The following KCNA1 variants were observed in gnomAD, a reference collection of about 807,000 sequenced individuals.
The protein encoded by KCNA1 is potassium voltage-gated channel subfamily A member 1, also known as potassium channel, voltage gated shaker related subfamily A, member 1.
Under a neutral mutation model 28.8 loss-of-function variants are expected in KCNA1, and 19 were observed. The ratio of observed to expected loss-of-function variants is 0.66; its 90% confidence interval spans 0.46 to 0.97. The LOEUF is 0.97. Ranked by LOEUF, KCNA1 falls within the 50% of genes least tolerant of loss-of-function variation. KCNA1 has a pLI of 0.00. For missense variants in KCNA1, 419 were observed against 659.7 expected (o/e 0.64, Z 4.00); for synonymous variants, 311 against 268.8 (o/e 1.16, Z -1.53).
Position 4,911,391 on chromosome 12 carries a change from T to A in KCNA1, c.13T>A (p.Ser5Thr). 1.2e-6 allele frequency: 2 copies of A among 1,612,036 alleles called. No individual in the cohort carries two copies. The change falls in exon 2 of 2, where the codon TCT becomes ACT. Residue 5 changes from serine to threonine, a missense_variant. Coordinates refer to ENST00000382545, the MANE Select transcript of KCNA1 (RefSeq NM_000217.3). This position sits in a 1 kb window ranked among gnomAD's most constrained non-coding sequence, Gnocchi z 6.6. MTVM[S>T]GENVDEASAA... is the part of the protein sequence containing the mutation. ...CCCGGCTTCCACCATGACGGTGATG[T>A]CTGGGGAGAACGTGGACGAGGCTTC... is the stretch of plus-strand genomic sequence containing the variant.
chr12:4,911,312 C>T lies in KCNA1; in HGVS notation c.-67C>T. 6.8e-7 allele frequency: 1 copy of T among 1,473,442 alleles called. No individual in the cohort carries two copies. The highest frequency in any genetic ancestry group is 9.3e-7 in the Non-Finnish European group (1 of 1,072,334). 91.3% of individuals were successfully genotyped at this position (1,473,442 alleles called of 1,614,324 possible). A position where few individuals can be genotyped will look rare whatever the true frequency, so the allele number is the denominator to read the frequency against. ...GGGGCCGCTTGGGTCCCCCCCACCCCTGGTCCCTGGCTGCTTCCCACCCCG... is the reference window on the plus strand; with the variant it reads ...GGGGCCGCTTGGGTCCCCCCCACCCTTGGTCCCTGGCTGCTTCCCACCCCG... On this transcript the variant is annotated 5_prime_UTR_variant, in exon 2 of 2. Coordinates refer to ENST00000382545, the MANE Select transcript of KCNA1 (RefSeq NM_000217.3). This position sits in a 1 kb window ranked among gnomAD's most constrained non-coding sequence, Gnocchi z 6.6.
Position 4,911,872 on chromosome 12 carries a change from C to A in KCNA1, c.494C>A (p.Pro165His). 1 of 1,614,036 alleles carries A rather than the reference C, an allele frequency of 6.2e-7. No homozygotes were observed. Among genetic ancestry groups the A allele is most frequent in the Non-Finnish European group, 8.5e-7 (1 of 1,179,990 alleles). The change falls in exon 2 of 2, where the codon CCC becomes CAC. Residue 165 changes from proline (P) to histidine (H), a missense_variant. Physicochemically the swap from Pro to His is moderately conservative, Grantham distance 77 (BLOSUM62 -2). This residue lies in a region of KCNA1 where 217 missense variants were observed against 329.6 expected (regional missense o/e 0.66). Transcript: ENST00000382545. The surrounding 1 kb of genome is among the most constrained non-coding windows in gnomAD (Gnocchi z 6.6). ...TTCGAGTACCCCGAGAGCTCGGGGC[C>A]CGCCAGGGTCATCGCCATCGTCTCC... is the stretch of plus-strand genomic sequence containing the variant. ...LLFEYPESSG[P>H]ARVIAIVSVM...
Position 4,914,279 on chromosome 12 carries a change from G to A in KCNA1, c.*1413G>A, listed in dbSNP as rs78304820. The A allele has an allele frequency of 6.0e-6, 1 of 166,956 alleles. No homozygotes were observed. Among genetic ancestry groups the A allele is most frequent in the African/African-American group, 2.4e-5 (1 of 41,436 alleles). The allele number at this position is 166,956 out of a possible 1,614,324, so 10.3% of individuals were successfully genotyped here. A position where few individuals can be genotyped will look rare whatever the true frequency, so the allele number is the denominator to read the frequency against. Reference sequence around the variant, plus strand: ...CACCTAAGAACAAGTATTCTTTCTAGCTGAAGACAAACACAAGCAACACAA... The same window carrying A: ...CACCTAAGAACAAGTATTCTTTCTAACTGAAGACAAACACAAGCAACACAA... On this transcript the variant is annotated 3_prime_UTR_variant, in exon 2 of 2. Transcript: ENST00000382545.
Position 4,912,696 on chromosome 12 carries a change from G to A in KCNA1, c.1318G>A (p.Asp440Asn), listed in dbSNP as rs1947359701. Residue 440 changes from aspartate (D) to asparagine (N), a missense_variant, in exon 2 of 2, where the codon GAC becomes AAC. Physicochemically the swap from Asp to Asn is conservative, Grantham distance 23. Coordinates refer to ENST00000382545, the MANE Select transcript of KCNA1 (RefSeq NM_000217.3). Reference sequence around the variant, plus strand: ...TTCCCCTAACTTAGCCTCTGACAGTGACCTCAGTCGCCGCAGTTCCTCTAC... The same window carrying A: ...TTCCCCTAACTTAGCCTCTGACAGTAACCTCAGTCGCCGCAGTTCCTCTAC... ...VSSPNLASDSDLSRRSSSTMS... is the reference protein window; with the variant it reads ...VSSPNLASDSNLSRRSSSTMS... 2 of 1,612,788 alleles carry A rather than the reference G, an allele frequency of 1.2e-6. No individual in the cohort carries two copies. Among genetic ancestry groups the A allele is most frequent in the East Asian group, 4.5e-5 (2 of 44,764 alleles).
rs1406135287 is a variant in KCNA1, at chr12:4,917,478, C to T, written c.*4612C>T. On this transcript the variant is annotated 3_prime_UTR_variant, in exon 2 of 2. Coordinates refer to ENST00000382545, the MANE Select transcript of KCNA1 (RefSeq NM_000217.3). ...TCACTGTGCAAACTAATTCAGGGTACAGATATAAAGTTTAGAAGCCTTGGG... is the reference window on the plus strand; with the variant it reads ...TCACTGTGCAAACTAATTCAGGGTATAGATATAAAGTTTAGAAGCCTTGGG... 6.0e-6 allele frequency: 1 copy of T among 167,052 alleles called. No homozygotes were observed. Among genetic ancestry groups the T allele is most frequent in the African/African-American group, 2.4e-5 (1 of 41,448 alleles). 10.3% of individuals were successfully genotyped at this position (167,052 alleles called of 1,614,324 possible). A position where few individuals can be genotyped will look rare whatever the true frequency, so the allele number is the denominator to read the frequency against.
chr12:4,914,970 C>T lies in KCNA1; in HGVS notation c.*2104C>T, dbSNP rs901182494. On this transcript the variant is annotated 3_prime_UTR_variant, in exon 2 of 2. Coordinates refer to ENST00000382545, the MANE Select transcript of KCNA1 (RefSeq NM_000217.3). ...CGGTAACAGCACTTTGCAAATCTCT[C>T]TGACGGTCCAGTCTTTTCAGGCATT... is the stretch of plus-strand genomic sequence containing the variant. 7 of 167,242 alleles carry T rather than the reference C, an allele frequency of 4.2e-5. No homozygotes were observed. The highest frequency in any genetic ancestry group is 1.0e-4 in the Non-Finnish European group (7 of 68,232). The allele number at this position is 167,242 out of a possible 1,614,324, so 10.4% of individuals were successfully genotyped here. A position where few individuals can be genotyped will look rare whatever the true frequency, so the allele number is the denominator to read the frequency against.
Position 4,917,870 on chromosome 12 carries a change from G to A in KCNA1, c.*5004G>A, listed in dbSNP as rs1302102689. The A allele has an allele frequency of 6.0e-6, 1 of 167,056 alleles. No individual in the cohort carries two copies. The highest frequency in any genetic ancestry group is 2.4e-5 in the African/African-American group (1 of 41,448). 10.3% of individuals were successfully genotyped at this position (167,056 alleles called of 1,614,324 possible). A position where few individuals can be genotyped will look rare whatever the true frequency, so the allele number is the denominator to read the frequency against. Reference sequence around the variant, plus strand: ...TTTTGGGACTGTTTATGCAGCAGATGTAAGTAGACAACATGGACTCCATGT... The same window carrying A: ...TTTTGGGACTGTTTATGCAGCAGATATAAGTAGACAACATGGACTCCATGT... On this transcript the variant is annotated 3_prime_UTR_variant, in exon 2 of 2. Coordinates refer to ENST00000382545, the MANE Select transcript of KCNA1 (RefSeq NM_000217.3).
chr12:4,911,250 TC>T lies in KCNA1; in HGVS notation c.-124del. ...CCCGACCTGCTCGTGTTGAAGCACC[TC>T]CCCCTGGGCGTGAGGGAGACGCGCG... is the stretch of plus-strand genomic sequence containing the variant. On this transcript the variant is annotated 5_prime_UTR_variant, in exon 2 of 2. Coordinates refer to ENST00000382545, the MANE Select transcript of KCNA1 (RefSeq NM_000217.3). This position sits in a 1 kb window ranked among gnomAD's most constrained non-coding sequence, Gnocchi z 6.6. 1 of 673,990 alleles carries T rather than the reference TC, an allele frequency of 1.5e-6. No individual in the cohort carries two copies. 41.8% of individuals were successfully genotyped at this position (673,990 alleles called of 1,614,324 possible). A position where few individuals can be genotyped will look rare whatever the true frequency, so the allele number is the denominator to read the frequency against.
chr12:4,913,117 T>C lies in KCNA1; in HGVS notation c.*251T>C. 2.0e-6 allele frequency: 1 copy of C among 512,614 alleles called. No individual in the cohort carries two copies. Among genetic ancestry groups the C allele is most frequent in the Non-Finnish European group, 3.6e-6 (1 of 277,428 alleles). The allele number at this position is 512,614 out of a possible 1,614,324, so 31.8% of individuals were successfully genotyped here. A position where few individuals can be genotyped will look rare whatever the true frequency, so the allele number is the denominator to read the frequency against. On this transcript the variant is annotated 3_prime_UTR_variant, in exon 2 of 2. Coordinates refer to ENST00000382545, the MANE Select transcript of KCNA1 (RefSeq NM_000217.3). ...AAATGGGAAAAGAGAGAGTATTTTC[T>C]AAAACTGGCTTAAAAAGATTCAGTC...
In KCNA1 at chr12:4,912,099, T is replaced by C; in HGVS notation, c.721T>C (p.Phe241Leu). 1.2e-6 allele frequency: 2 copies of C among 1,614,160 alleles called. No homozygotes were observed. Among genetic ancestry groups the C allele is most frequent in the Non-Finnish European group, 1.7e-6 (2 of 1,180,038 alleles). Reference protein sequence around the residue: ...WFSFELVVRFFACPSKTDFFK... With the variant: ...WFSFELVVRFLACPSKTDFFK... The stretch of plus-strand genomic sequence containing the variant: ...CTCCTTCGAGCTGGTGGTGCGCTTC[T>C]TCGCCTGCCCCAGCAAGACGGACTT... The change falls in exon 2 of 2, where the codon TTC (phenylalanine) becomes CTC (leucine). Residue 241 changes from phenylalanine to leucine, a missense_variant. Around this residue, in one of 4 missense-constraint regions of KCNA1, gnomAD observed 217 missense variants for 329.6 expected, o/e 0.66. Transcript: ENST00000382545.
chr12:4,912,381 A>G lies in KCNA1; in HGVS notation c.1003A>G (p.Ile335Val). Residue 335 changes from isoleucine to valine, a missense_variant, in exon 2 of 2, where the codon ATC becomes GTC. By Grantham distance (29) the Ile-to-Val change is conservative. Transcript: ENST00000382545. ...AGGGCTGCTCATCTTTTTCCTCTTC[A>G]TCGGGGTCATCCTGTTTTCTAGTGC... ...ELGLLIFFLF[I>V]GVILFSSAVY... 3 of 1,613,932 alleles carry G rather than the reference A, an allele frequency of 1.9e-6. No homozygotes were observed. The highest frequency in any genetic ancestry group is 1.7e-6 in the Non-Finnish European group (2 of 1,179,974).
chr12:4,913,021 A>T lies in KCNA1; in HGVS notation c.*155A>T. 1 of 678,140 alleles carries T rather than the reference A, an allele frequency of 1.5e-6. No individual in the cohort carries two copies. The highest frequency in any genetic ancestry group is 1.7e-5 in the South Asian group (1 of 58,972). The allele number at this position is 678,140 out of a possible 1,614,324, so 42.0% of individuals were successfully genotyped here. ...TAACTGTCAATGCGTTGTTGCATTG[A>T]GGATTTTGGGGGTGGTGAACCAGAA... On this transcript the variant is annotated 3_prime_UTR_variant, in exon 2 of 2. Transcript: ENST00000382545.
rs1311256659 is a variant in KCNA1 at position 4,918,122 on chromosome 12, A to C, written c.*5256A>C. On this transcript the variant is annotated 3_prime_UTR_variant, in exon 2 of 2. Coordinates refer to ENST00000382545, the MANE Select transcript of KCNA1 (RefSeq NM_000217.3). ...CTGTGTAATATGTCAGGTCAAGGACATTGAATGTTATGAATTGAGAACCTA... is the reference window on the plus strand; with the variant it reads ...CTGTGTAATATGTCAGGTCAAGGACCTTGAATGTTATGAATTGAGAACCTA... The C allele has an allele frequency of 6.0e-6, 1 of 167,110 alleles. No individual in the cohort carries two copies. Among genetic ancestry groups the C allele is most frequent in the Non-Finnish European group, 1.5e-5 (1 of 68,122 alleles). 10.4% of individuals were successfully genotyped at this position (167,110 alleles called of 1,614,324 possible). A position where few individuals can be genotyped will look rare whatever the true frequency, so the allele number is the denominator to read the frequency against.
Position 4,913,306 on chromosome 12 carries a change from G to A in KCNA1, c.*440G>A. The A allele has an allele frequency of 3.9e-6, 1 of 257,116 alleles. No homozygotes were observed. Among genetic ancestry groups the A allele is most frequent in the Non-Finnish European group, 8.1e-6 (1 of 123,622 alleles). The allele number at this position is 257,116 out of a possible 1,614,324, so 15.9% of individuals were successfully genotyped here. A position where few individuals can be genotyped will look rare whatever the true frequency, so the allele number is the denominator to read the frequency against. ...CTCCAGTAAAACATCTTTGCAAACT[G>A]CGTAGCACATTGAAGACAGTGCATC... On this transcript the variant is annotated 3_prime_UTR_variant, in exon 2 of 2. Transcript: ENST00000382545.
Position 4,917,786 on chromosome 12 carries a change from G to A in KCNA1, c.*4920G>A, listed in dbSNP as rs1460359504. 6.0e-6 allele frequency: 1 copy of A among 166,986 alleles called. No individual in the cohort carries two copies. The highest frequency in any genetic ancestry group is 1.5e-5 in the Non-Finnish European group (1 of 68,102). The allele number at this position is 166,986 out of a possible 1,614,324, so 10.3% of individuals were successfully genotyped here. On this transcript the variant is annotated 3_prime_UTR_variant, in exon 2 of 2. Coordinates refer to ENST00000382545, the MANE Select transcript of KCNA1 (RefSeq NM_000217.3). ...AGAAATCTCTTGTAAAATATTCCAG[G>A]TCAAAGTTGTCTCCTCTCCAAACCT...
In KCNA1 at chr12:4,913,048, C is replaced by T. The variant is rs1947362341; in HGVS notation, c.*182C>T. 1 of 636,866 alleles carries T rather than the reference C, an allele frequency of 1.6e-6. No individual in the cohort carries two copies. The highest frequency in any genetic ancestry group is 2.8e-6 in the Non-Finnish European group (1 of 351,120). 39.5% of individuals were successfully genotyped at this position (636,866 alleles called of 1,614,324 possible). ...GATTTTGGGGGTGGTGAACCAGAAG[C>T]TTTCAAGATCCATGACAAAATAAAC... On this transcript the variant is annotated 3_prime_UTR_variant, in exon 2 of 2. Coordinates refer to ENST00000382545, the MANE Select transcript of KCNA1 (RefSeq NM_000217.3).
In KCNA1 at chr12:4,910,354, GGA is replaced by G. The variant is rs1040683856; in HGVS notation, c.-657_-656del. On this transcript the variant is annotated 5_prime_UTR_variant, in exon 1 of 2. An upstream start codon of the reference 5' UTR is lost. Transcript: ENST00000382545. This position sits in a 1 kb window ranked among gnomAD's most constrained non-coding sequence, Gnocchi z 4.9. ...GCGGCGAGTTTGCCCGGCGCGTCTC[GGA>G]TGCTGCTGCGGCGGCCGCCGCGGCT... The G allele has an allele frequency of 3.0e-4, 46 of 152,368 alleles. No individual in the cohort carries two copies. Among genetic ancestry groups the G allele is most frequent in the African/African-American group, 1.1e-3 (44 of 41,560 alleles). The allele number at this position is 152,368 out of a possible 1,614,324, so 9.4% of individuals were successfully genotyped here.
In KCNA1 at chr12:4,912,395, G is replaced by C. The variant is rs1319731295; in HGVS notation, c.1017G>C (p.Leu339=). 6.2e-7 allele frequency: 1 copy of C among 1,613,996 alleles called. No homozygotes were observed. Among genetic ancestry groups the C allele is most frequent in the South Asian group, 1.1e-5 (1 of 91,068 alleles). The change falls in exon 2 of 2, where the codon CTG becomes CTC. Residue 339 remains leucine (L), a synonymous_variant. Coordinates refer to ENST00000382545, the MANE Select transcript of KCNA1 (RefSeq NM_000217.3). ...TTTTCCTCTTCATCGGGGTCATCCTGTTTTCTAGTGCAGTGTACTTTGCCG... is the reference window on the plus strand; with the variant it reads ...TTTTCCTCTTCATCGGGGTCATCCTCTTTTCTAGTGCAGTGTACTTTGCCG... ...LIFFLFIGVI[L]FSSAVYFAEA...
rs145091423 is a variant in KCNA1 at position 4,912,949 on chromosome 12, G to A, written c.*83G>A. The A allele has an allele frequency of 2.9e-5, 27 of 926,476 alleles. No individual in the cohort carries two copies. The highest frequency in any genetic ancestry group is 3.8e-5 in the Non-Finnish European group (21 of 554,578). The allele number at this position is 926,476 out of a possible 1,614,324, so 57.4% of individuals were successfully genotyped here. On this transcript the variant is annotated 3_prime_UTR_variant, in exon 2 of 2. Transcript: ENST00000382545. Reference sequence around the variant, plus strand: ...CAAAACAGAAAACCTAGTGACTCATGTCACGCTTTGTAGATACTTTACTAA... The same window carrying A: ...CAAAACAGAAAACCTAGTGACTCATATCACGCTTTGTAGATACTTTACTAA...
Sources: gnomAD v4.1 joint callset for allele counts on GRCh38, gnomAD v4.1.1 for gene constraint, gnomAD v4.1.1 regional missense constraint, Gnocchi (gnomAD v3.1) non-coding constraint, MANE v1.5 for transcripts, NCBI Gene and HGNC (gene_info 2026-07-23, HGNC 2026-07-21) for gene names.